Variants in RASL10A observed in about 807,000 individuals in gnomAD.
RASL10A encodes RAS like family 10 member A.
A neutral mutation model predicts 17.3 loss-of-function variants in RASL10A; 13 were observed. That is an observed-to-expected ratio of 0.75 (90% CI 0.49 to 1.20). The LOEUF (loss-of-function observed/expected upper bound fraction) is 1.20. RASL10A is among the 50% of genes most tolerant of loss of function. The pLI is 0.00. For missense variants in RASL10A, 307 were observed against 310.3 expected (o/e 0.99, Z 0.08); for synonymous variants, 159 against 142.2 (o/e 1.12, Z -0.84).
At chr22:29,314,065 G>A (rs1569144742) in intron 1 of RASL10A, 78 bp from the exon 2 acceptor site, 1 of 1,569,406 alleles carries the variant, frequency 6.4e-7, no homozygotes, top group Non-Finnish European at 8.6e-7. Context: ...GGGCCTGGAC[G>A]CTAATCCTCA....
At chr22:29,318,623 C>T (rs2061463755), upstream of RASL10A, among the ~76,000 whole-genome samples, 2 of 152,332 alleles carry the variant, frequency 1.3e-5, 1 homozygote, top group South Asian at 4.1e-4. Context: ...CTGAAGCTGC[C>T]TGTCTGCCTG....
At chr22:29,313,776 C>T (rs1019331932) in intron 2 of RASL10A, 87 bp downstream of exon 2, 6 of 1,561,622 alleles carry the variant, frequency 3.8e-6, no homozygotes, top group Non-Finnish European at 5.2e-6. Context: ...CGGCCCACGA[C>T]GTTGGGAGAC....
intron 1 of RASL10A, among the ~76,000 whole-genome samples, chr22:29,314,532 G>A (rs1363780255): frequency 6.6e-6 from 1 of 152,082 alleles, no homozygotes; most frequent in Non-Finnish European, 1.5e-5. Context: ...CCTCTTCACT[G>A]CTCTAGGGTC....
upstream of RASL10A, among the ~76,000 whole-genome samples, chr22:29,319,137 G>C (rs1027804996): frequency 6.6e-6 from 1 of 152,134 alleles, no homozygotes; most frequent in Non-Finnish European, 1.5e-5. Flanking sequence ...TCACCCATGT[G>C]TTTCTTCCCA....
upstream of RASL10A, among the ~76,000 whole-genome samples, chr22:29,317,991 G>A (rs1324850852): frequency 6.6e-6 from 1 of 152,166 alleles, no homozygotes; most frequent in Non-Finnish European, 1.5e-5. Context: ...CGGCCAGGAC[G>A]GTCTTTTTTA....
rs765553985 is a variant in RASL10A, at chr22:29,315,212, G to A, written c.35C>T (p.Ala12Val). ...GGSLRVAVLG[A>V]PGVGKTAIIR... Reference sequence around the variant, plus strand: ...GATGGCCGTCTTGCCCACGCCCGGGGCGCCTAGAACGGCCACCCGCAGGCT... The same window carrying A: ...GATGGCCGTCTTGCCCACGCCCGGGACGCCTAGAACGGCCACCCGCAGGCT... The change falls in exon 1 of 3, where the codon GCC (alanine) becomes GTC (valine). Residue 12 changes from alanine (A) to valine (V), a missense_variant. Ala to Val is a moderately conservative substitution (Grantham distance 64). Transcript: ENST00000216101. The surrounding 1 kb of genome is among the most constrained non-coding windows in gnomAD (Gnocchi z 5.5). 6.6e-7 allele frequency: 1 copy of A among 1,526,070 alleles called. No homozygotes were observed. The highest frequency in any genetic ancestry group is 2.6e-5 in the East Asian group (1 of 38,182). The allele number at this position is 1,526,070 out of a possible 1,614,324, so 94.5% of individuals were successfully genotyped here.
At chr22:29,314,913 T>A in intron 1 of RASL10A, 115 bp downstream of exon 1, 1 of 829,024 alleles carries the variant, frequency 1.2e-6, no homozygotes, top group Non-Finnish European at 1.7e-6. Context: ...CACACATCCC[T>A]CCATCCCGGA....
rs999425665 is a variant in RASL10A, at chr22:29,313,461, C to A, written c.452G>T (p.Gly151Val). ...RRALAALVRR[G>V]WRCGYLECSA... ...GCACTCGAGGTAGCCGCAGCGCCAG[C>A]CCCTGCGCACTAGGGCGGCCAGCGC... The change falls in exon 3 of 3, where the codon GGC becomes GTC. Residue 151 changes from glycine (G) to valine (V), a missense_variant. Coordinates refer to ENST00000216101, the MANE Select transcript of RASL10A (RefSeq NM_006477.5). 6.5e-7 allele frequency: 1 copy of A among 1,545,400 alleles called. No individual in the cohort carries two copies. Among genetic ancestry groups the A allele is most frequent in the East Asian group, 2.4e-5 (1 of 41,188 alleles).
At chr22:29,314,035 C>G (rs777181783) in intron 1 of RASL10A, 48 bp from the exon 2 acceptor site, 58 of 1,604,028 alleles carry the variant, frequency 3.6e-5, no homozygotes, top group Non-Finnish European at 4.7e-5. Flanking sequence ...TCCACTCTTC[C>G]GCTCTCGAAC....
At chr22:29,318,172 G>T (rs564636246), upstream of RASL10A, among the ~76,000 whole-genome samples, 1 of 152,202 alleles carries the variant, frequency 6.6e-6, no homozygotes, top group East Asian at 1.9e-4. Flanking sequence ...GACTGGGAAC[G>T]TCCTGAGGCT....
At chr22:29,318,142 C>T (rs975497275), upstream of RASL10A, among the ~76,000 whole-genome samples, 5 of 152,136 alleles carry the variant, frequency 3.3e-5, no homozygotes, top group African/African-American at 7.2e-5. Flanking sequence ...TTTTGGATGG[C>T]GAGGGGAAGG....
chr22:29,313,450 C>A lies in RASL10A; in HGVS notation c.463G>T (p.Gly155Cys). 6.5e-7 allele frequency: 1 copy of A among 1,542,222 alleles called. No homozygotes were observed. ...AALVRRGWRCGYLECSAKYNW... is the reference protein window; with the variant it reads ...AALVRRGWRCCYLECSAKYNW... Reference sequence around the variant, plus strand: ...TACTTGGCGGAGCACTCGAGGTAGCCGCAGCGCCAGCCCCTGCGCACTAGG... The same window carrying A: ...TACTTGGCGGAGCACTCGAGGTAGCAGCAGCGCCAGCCCCTGCGCACTAGG... Residue 155 changes from glycine to cysteine, a missense_variant, in exon 3 of 3, where the codon GGC (glycine) becomes TGC (cysteine). By Grantham distance (159) the Gly-to-Cys change is radical. Transcript: ENST00000216101.
chr22:29,317,747 C>T (rs529196691), upstream of RASL10A, among the ~76,000 whole-genome samples: 6 of 151,742 alleles, frequency 4.0e-5, no homozygotes, highest in South Asian at 8.3e-4. Flanking sequence ...TGCAGTGGTG[C>T]GATCTTGGCT....
chr22:29,315,309 C>G lies in RASL10A; in HGVS notation c.-63G>C. On this transcript the variant is annotated 5_prime_UTR_variant, in exon 1 of 3. Coordinates refer to ENST00000216101, the MANE Select transcript of RASL10A (RefSeq NM_006477.5). This position sits in a 1 kb window ranked among gnomAD's most constrained non-coding sequence, Gnocchi z 5.5. The stretch of plus-strand genomic sequence containing the variant: ...TCATGGGCCGGCGCCGCACCGTGCG[C>G]CCCCAGGCCGTGCGCCCCGCGCGCC... 1 of 1,153,382 alleles carries G rather than the reference C, an allele frequency of 8.7e-7. No homozygotes were observed. Among genetic ancestry groups the G allele is most frequent in the Non-Finnish European group, 1.1e-6 (1 of 913,814 alleles). 71.4% of individuals were successfully genotyped at this position (1,153,382 alleles called of 1,614,324 possible). A position where few individuals can be genotyped will look rare whatever the true frequency, so the allele number is the denominator to read the frequency against.
rs1227453528 is a variant in RASL10A, at chr22:29,315,558, C to A, written c.-312G>T. The A allele has an allele frequency of 5.7e-6, 1 of 175,920 alleles. No homozygotes were observed. The highest frequency in any genetic ancestry group is 1.5e-4 in the East Asian group (1 of 6,488). 10.9% of individuals were successfully genotyped at this position (175,920 alleles called of 1,614,324 possible). On this transcript the variant is annotated 5_prime_UTR_variant, in exon 1 of 3. Coordinates refer to ENST00000216101, the MANE Select transcript of RASL10A (RefSeq NM_006477.5). This position sits in a 1 kb window ranked among gnomAD's most constrained non-coding sequence, Gnocchi z 5.5. ...CCGCCTCCGCCCCGCAGCGCCAACC[C>A]AGGCGCCGGCGGACGCGCGAGGCGC...
At position 29,315,035 on chromosome 22, in the gene RASL10A, C is replaced by G; in HGVS notation, c.212G>C (p.Gly71Ala). The G allele has an allele frequency of 1.3e-6, 2 of 1,507,438 alleles. No homozygotes were observed. The allele number at this position is 1,507,438 out of a possible 1,614,324, so 93.4% of individuals were successfully genotyped here. ...CGCTCCTCGAGCCGCTACCTCCGGACCCCCGGGGCTCGAGCCGGGGCCAGC... is the reference window on the plus strand; with the variant it reads ...CGCTCCTCGAGCCGCTACCTCCGGAGCCCCGGGGCTCGAGCCGGGGCCAGC... ...DVAGPGSSPG[G>A]PEEWPDAKDW... is the part of the protein sequence containing the mutation. The change falls in exon 1 of 3, where the codon GGT becomes GCT. Residue 71 changes from glycine to alanine, a missense_variant. Transcript: ENST00000216101. The surrounding 1 kb of genome is among the most constrained non-coding windows in gnomAD (Gnocchi z 5.5).
chr22:29,315,219 G>C lies in RASL10A; in HGVS notation c.28C>G (p.Leu10Val). The change falls in exon 1 of 3, where the codon CTA (leucine) becomes GTA (valine). Residue 10 changes from leucine (L) to valine (V), a missense_variant. By Grantham distance (32) the Leu-to-Val change is conservative. Coordinates refer to ENST00000216101, the MANE Select transcript of RASL10A (RefSeq NM_006477.5). This position sits in a 1 kb window ranked among gnomAD's most constrained non-coding sequence, Gnocchi z 5.5. MGGSLRVAV[L>V]GAPGVGKTAI... ...GTCTTGCCCACGCCCGGGGCGCCTA[G>C]AACGGCCACCCGCAGGCTACCCCCC... The C allele has an allele frequency of 6.6e-7, 1 of 1,519,772 alleles. No individual in the cohort carries two copies. The highest frequency in any genetic ancestry group is 8.8e-7 in the Non-Finnish European group (1 of 1,141,710). The allele number at this position is 1,519,772 out of a possible 1,614,324, so 94.1% of individuals were successfully genotyped here.
upstream of RASL10A, among the ~76,000 whole-genome samples, chr22:29,317,497 C>T (rs2061459516): frequency 5.3e-5 from 8 of 152,156 alleles, no homozygotes; most frequent in Admixed American, 5.2e-4. Context: ...CCTCAGCCTC[C>T]AAAAGTGCGA....
At chr22:29,314,138 C>T (rs528276806) in intron 1 of RASL10A, 151 bp from the exon 2 acceptor site, 1 of 1,068,046 alleles carries the variant, frequency 9.4e-7, no homozygotes. Context: ...GCCGTCTCCT[C>T]ATGACCACCA....
Sources: allele counts gnomAD v4.1 joint callset (sites outside exome capture counted in the v4.1 genomes callset), GRCh38; gene constraint gnomAD v4.1.1; non-coding constraint Gnocchi (gnomAD v3.1); transcripts MANE v1.5; gene names NCBI Gene and HGNC (gene_info 2026-07-23, HGNC 2026-07-21).